MOV10: variants seen among roughly 807,000 people sequenced by gnomAD.
MOV10 encodes Mov10 RNA helicase.
Under a neutral mutation model 108.4 loss-of-function variants are expected in MOV10, and 39 were observed. The observed-to-expected ratio is 0.36, with a 90% confidence interval of 0.28 to 0.47. The LOEUF (loss-of-function observed/expected upper bound fraction) is 0.47, where lower values mean the gene tolerates loss of function less well. Among genes scored for constraint, MOV10 ranks in the 20% least tolerant of loss-of-function variants. MOV10 has a pLI of 1.00. For synonymous variants in MOV10, 490 were observed against 523.1 expected (o/e 0.94, Z 0.86); for missense variants, 952 against 1,297.6 (o/e 0.73, Z 4.09).
rs781545593 is a variant in MOV10 at position 112,700,010 on chromosome 1, T to G, written c.2798+28T>G. 8 of 1,613,302 alleles carry G rather than the reference T, an allele frequency of 5.0e-6. No homozygotes were observed. The South Asian group carries it at 7.7e-5, about 16-fold the overall frequency. ...GAGCATTCCCACCCCATTCTCCCTC[T>G]TAGTGGCCACAGCCCCTGCCTAGGG... On this transcript the variant is annotated intron_variant, in intron 19 of 20. Transcript: ENST00000369645.
intron 2 of MOV10, among the ~76,000 whole-genome samples, chr1:112,676,650 C>T (rs2101232857): frequency 6.6e-6 from 1 of 152,214 alleles, no homozygotes; most frequent in East Asian, 1.9e-4. Context: ...TTTTGCTCAC[C>T]TGACCTAACA....
intron 2 of MOV10, among the ~76,000 whole-genome samples, chr1:112,678,673 A>G (rs1037690353): frequency 1.3e-5 from 2 of 152,066 alleles, no homozygotes; most frequent in African/African-American, 4.8e-5. Flanking sequence ...ACAGGCAGGA[A>G]CAGCACCTTC....
rs569124422 is a variant in MOV10 at position 112,679,954 on chromosome 1, A to G, written c.137+4905A>G. ...CTCTTTGACCCAGGTGTTGTACTTT[A>G]AGGAATTTATCCCATTAGACTTGCC... On this transcript the variant is annotated intron_variant, in intron 2 of 20. Transcript: ENST00000369645. 4.6e-5 allele frequency among the ~76,000 whole-genome samples: 7 copies of G among 152,260 alleles called. No homozygotes were observed. In the South Asian group the frequency reaches 1.4e-3, roughly 32 times the overall value.
chr1:112,696,278 T>C, intron 12 of MOV10, 27 bp downstream of exon 12: 1 of 1,539,100 alleles, frequency 6.5e-7, no homozygotes, highest in South Asian at 1.1e-5. Flanking sequence ...GGTGTGTCTC[T>C]GAATCGTAAG....
chr1:112,692,817 T>C lies in MOV10; in HGVS notation c.1028T>C (p.Leu343Pro). 1 of 1,614,128 alleles carries C rather than the reference T, an allele frequency of 6.2e-7. No individual in the cohort carries two copies. Residue 343 changes from leucine to proline, a missense_variant, in exon 7 of 21, where the codon CTG becomes CCG. Around this residue, in one of 5 missense-constraint regions of MOV10, gnomAD observed 374 missense variants for 468.6 expected, o/e 0.80. Coordinates refer to ENST00000369645, the MANE Select transcript of MOV10 (RefSeq NM_001321324.2). ...AACTATGAGGTGAAGCTGCGGCTGC[T>C]GCTGCACCTGGAGGAACTGCAGATG... ...WRNYEVKLRL[L>P]LHLEELQMEH...
chr1:112,681,301 G>A (rs1672630985), intron 2 of MOV10, among the ~76,000 whole-genome samples: 1 of 151,964 alleles, frequency 6.6e-6, no homozygotes, highest in Admixed American at 6.6e-5. Flanking sequence ...AGACCAGTCT[G>A]GCCAACATGG....
At position 112,689,470 on chromosome 1, in the gene MOV10, G is replaced by A; in HGVS notation, c.397G>A (p.Glu133Lys). Residue 133 changes from glutamate to lysine, a missense_variant, in exon 4 of 21, where the codon GAA (glutamate) becomes AAA (lysine). By Grantham distance (56) the Glu-to-Lys change is moderately conservative. Coordinates refer to ENST00000369645, the MANE Select transcript of MOV10 (RefSeq NM_001321324.2). ...GGATGTGGAAGTCCAGGGGCCCCATGAAGCCCGAGATGGGCAGCTCCTTAT... is the reference window on the plus strand; with the variant it reads ...GGATGTGGAAGTCCAGGGGCCCCATAAAGCCCGAGATGGGCAGCTCCTTAT... ...GVDVEVQGPH[E>K]ARDGQLLIRL... The A allele has an allele frequency of 6.3e-7, 1 of 1,592,572 alleles. No homozygotes were observed. Among genetic ancestry groups the A allele is most frequent in the Non-Finnish European group, 8.6e-7 (1 of 1,166,522 alleles).
intron 19 of MOV10, 55 bp downstream of exon 19, chr1:112,700,037 A>G: frequency 6.2e-7 from 1 of 1,603,934 alleles, no homozygotes; most frequent in South Asian, 1.1e-5. Flanking sequence ...TGCCTAGGGC[A>G]GGTGGATCTT....
rs143922188 is a variant in MOV10, at chr1:112,696,153, C to T, written c.1785C>T (p.Cys595=). ...GGTCCCTTCACAATCCACAGCCCTG[C>T]TGCAACTGGGACGCAAAGAAGGGGG... is the stretch of plus-strand genomic sequence containing the variant. ...IRMVPEDIKP[C]CNWDAKKGEY... The change falls in exon 12 of 21, where the codon TGC becomes TGT. Residue 595 remains cysteine (C), a synonymous_variant. Transcript: ENST00000369645. The T allele has an allele frequency of 6.5e-5, 104 of 1,611,714 alleles. 1 individual carries two copies. The highest frequency in any genetic ancestry group is 6.8e-6 in the Non-Finnish European group (8 of 1,178,668).
chr1:112,677,620 C>T lies in MOV10; in HGVS notation c.137+2571C>T, dbSNP rs147837844. Among the ~76,000 whole-genome samples, 183 of 152,196 alleles carry T rather than the reference C, an allele frequency of 1.2e-3. 2 individuals are homozygous for T. In the East Asian group the frequency reaches 0.015, roughly 13 times the overall value. ...TAAAGCCAGTGTATTATGCTAGCCA[C>T]GCAAATGCTAGATCCTCTACCTTTA... On this transcript the variant is annotated intron_variant, in intron 2 of 20. Transcript: ENST00000369645.
chr1:112,700,032 A>C, intron 19 of MOV10, 50 bp downstream of exon 19: 2 of 1,602,688 alleles, frequency 1.2e-6, no homozygotes, highest in Non-Finnish European at 1.7e-6. Flanking sequence ...GCCCCTGCCT[A>C]GGGCAGGTGG....
chr1:112,681,535 A>G (rs1037256240), intron 2 of MOV10, among the ~76,000 whole-genome samples: 12 of 151,990 alleles, frequency 7.9e-5, no homozygotes, highest in African/African-American at 2.9e-4. Flanking sequence ...TACTCTCTCA[A>G]CTGTGTGATG....
chr1:112,698,128 C>A lies in MOV10; in HGVS notation c.2316+17C>A. Reference sequence around the variant, plus strand: ...CCTCGACAGGTGAGGCTGAGCAGGGCAGGCCCCACCCCTGTACCCTGACTT... The same window carrying A: ...CCTCGACAGGTGAGGCTGAGCAGGGAAGGCCCCACCCCTGTACCCTGACTT... On this transcript the variant is annotated intron_variant, in intron 15 of 20. Transcript: ENST00000369645. The A allele has an allele frequency of 6.2e-7, 1 of 1,609,452 alleles. No homozygotes were observed. The highest frequency in any genetic ancestry group is 1.7e-4 in the Middle Eastern group (1 of 5,970).
In MOV10 at chr1:112,689,002, G is replaced by A. The variant is rs760900913; in HGVS notation, c.205G>A (p.Val69Ile). The A allele has an allele frequency of 9.9e-6, 16 of 1,612,426 alleles. No individual in the cohort carries two copies. In the African/African-American group the frequency reaches 1.1e-4, roughly 11 times the overall value. ...YGMKIANLAY[V>I]TKTRVRFFRL... ...AATGAAGATTGCAAATCTGGCCTAC[G>A]TCACCAAGACTCGGGTCAGGTTCTT... is the stretch of plus-strand genomic sequence containing the variant. Residue 69 changes from valine to isoleucine, a missense_variant, in exon 3 of 21, where the codon GTC becomes ATC. This residue lies in a region of MOV10 where 374 missense variants were observed against 468.6 expected (regional missense o/e 0.80). Transcript: ENST00000369645.
intron 11 of MOV10, among the ~76,000 whole-genome samples, 160 bp downstream of exon 11, chr1:112,695,734 A>AG (rs935137242): frequency 6.8e-5 from 10 of 146,438 alleles, no homozygotes; most frequent in African/African-American, 1.0e-4. Flanking sequence ...TCTGTAAGTG[A>AG]GGGGGGTGGA....
In MOV10 at chr1:112,694,227, A is replaced by T. The variant is rs1673853078; in HGVS notation, c.1295+55A>T. The T allele has an allele frequency of 1.2e-6, 2 of 1,601,252 alleles. No homozygotes were observed. The highest frequency in any genetic ancestry group is 1.3e-5 in the African/African-American group (1 of 74,704). ...GAAGGGTCTACAGACTTCTGACCCC[A>T]GGGGAGGAGGAGTGTTTCTCCCTGA... On this transcript the variant is annotated intron_variant, in intron 8 of 20. Coordinates refer to ENST00000369645, the MANE Select transcript of MOV10 (RefSeq NM_001321324.2). This position sits in a 1 kb window ranked among gnomAD's most constrained non-coding sequence, Gnocchi z 4.1.
intron 2 of MOV10, among the ~76,000 whole-genome samples, chr1:112,687,795 C>A (rs759481465): frequency 1.1e-4 from 16 of 152,140 alleles, no homozygotes; most frequent in Non-Finnish European, 1.9e-4. Flanking sequence ...AGCAACCCTA[C>A]GAGGTAAGTC....
Position 112,694,612 on chromosome 1 carries a change from C to G in MOV10, c.1455C>G (p.Pro485=). 8 of 1,605,192 alleles carry G rather than the reference C, an allele frequency of 5.0e-6. No homozygotes were observed. Among genetic ancestry groups the G allele is most frequent in the Non-Finnish European group, 6.8e-6 (8 of 1,175,110 alleles). Reference sequence around the variant, plus strand: ...CACCTCGGGACGTCCCGCTGCTGCCCTCAGATGTGAAACTCAAGTGAGACT... The same window carrying G: ...CACCTCGGGACGTCCCGCTGCTGCCGTCAGATGTGAAACTCAAGTGAGACT... ...PVAPRDVPLL[P]SDVKLKLYDR... The change falls in exon 9 of 21, where the codon CCC becomes CCG. Residue 485 remains proline, a synonymous_variant. Transcript: ENST00000369645. This position sits in a 1 kb window ranked among gnomAD's most constrained non-coding sequence, Gnocchi z 4.1.
intron 2 of MOV10, chr1:112,687,124 C>A: frequency 2.3e-6 from 1 of 436,742 alleles, no homozygotes; most frequent in Non-Finnish European, 4.6e-6. Context: ...GTTACTACTC[C>A]TACTACTACT....
Sources: gnomAD v4.1 joint callset for allele counts (sites outside exome capture counted in the v4.1 genomes callset) on GRCh38, gnomAD v4.1.1 for gene constraint, gnomAD v4.1.1 regional missense constraint, Gnocchi (gnomAD v3.1) non-coding constraint, MANE v1.5 for transcripts, NCBI Gene and HGNC (gene_info 2026-07-23, HGNC 2026-07-21) for gene names.